Variants in XRCC4 observed in about 807,000 individuals in gnomAD.
XRCC4 encodes X-ray repair cross complementing 4.
Under a neutral mutation model 39.1 loss-of-function variants are expected in XRCC4, and 28 were observed. The ratio of observed to expected loss-of-function variants is 0.72; its 90% CI spans 0.53 to 0.98. XRCC4 has a LOEUF of 0.98. Ranked by LOEUF, XRCC4 falls within the 50% of genes least tolerant of loss-of-function variation. The pLI, the probability that XRCC4 is intolerant of heterozygous loss-of-function variation, is 0.00. For synonymous variants in XRCC4, 123 were observed against 126.4 expected, an observed-to-expected ratio of 0.97 and a Z score of 0.18; for missense variants, 350 against 376.4, an observed-to-expected ratio of 0.93 and a Z score of 0.58.
chr5:83,087,865 C>T (rs1167901249), intron 1 of XRCC4, among the ~76,000 whole-genome samples: 2 of 151,958 alleles, frequency 1.3e-5, no homozygotes, highest in Admixed American at 1.3e-4. Flanking sequence ...CCTCATTTTT[C>T]TGGATATTTT....
At chr5:83,219,993 G>A (rs1752018817) in intron 6 of XRCC4, among the ~76,000 whole-genome samples, 1 of 151,974 alleles carries the variant, frequency 6.6e-6, no homozygotes, top group African/African-American at 2.4e-5. Flanking sequence ...ACTTTGAAGA[G>A]GAAATCAAAT....
At chr5:83,290,831 G>A (rs1754898400) in intron 7 of XRCC4, among the ~76,000 whole-genome samples, 1 of 151,756 alleles carries the variant, frequency 6.6e-6, no homozygotes, top group East Asian at 1.9e-4. Context: ...CACCCTTTAT[G>A]AATATTGGCA....
In XRCC4 at chr5:83,348,667, T is replaced by G. The variant is rs1756992295; in HGVS notation, c.894-4464T>G. ...TCTGAAATGCCTTGGAGGCACTGTCTTGATTATTAACATTTGGCTCCTGTT... is the reference window on the plus strand; with the variant it reads ...TCTGAAATGCCTTGGAGGCACTGTCGTGATTATTAACATTTGGCTCCTGTT... On this transcript the variant is annotated intron_variant, in intron 7 of 7. Coordinates refer to ENST00000396027, the MANE Select transcript of XRCC4 (RefSeq NM_003401.5). Among the ~76,000 whole-genome samples the G allele has an allele frequency of 6.6e-5, 10 of 152,358 alleles. No homozygotes were observed. The South Asian group carries it at 2.1e-3, about 32-fold the overall frequency.
At chr5:83,228,352 A>ATGCCTTTTAC (rs1422941551) in intron 6 of XRCC4, among the ~76,000 whole-genome samples, 13 of 152,104 alleles carry the variant, frequency 8.5e-5, no homozygotes, top group Middle Eastern at 3.4e-3. Context: ...CTAGATTATG[A>ATGCCTTTTAC]ATTACTTGCA....
At chr5:83,096,201 A>C (rs1745668379) in intron 1 of XRCC4, among the ~76,000 whole-genome samples, 1 of 151,266 alleles carries the variant, frequency 6.6e-6, no homozygotes, top group African/African-American at 2.4e-5. Flanking sequence ...TAGCCAAGAA[A>C]GGTCCCCCTT....
At chr5:83,169,682 T>C (rs112486233) in intron 3 of XRCC4, among the ~76,000 whole-genome samples, 1,557 of 152,324 alleles carry the variant, frequency 0.01, 27 homozygotes, top group African/African-American at 0.035. Flanking sequence ...TAGTGGGTCT[T>C]ACTTGTCTTT....
chr5:83,151,596 A>G (rs994143509), intron 3 of XRCC4, among the ~76,000 whole-genome samples: 1 of 152,200 alleles, frequency 6.6e-6, no homozygotes, highest in Admixed American at 6.5e-5. Context: ...TTAATGATTT[A>G]AAATCTTCAT....
At position 83,279,354 on chromosome 5, in the gene XRCC4, A is replaced by T. The variant is rs188018533; in HGVS notation, c.893+20677A>T. ...CACCAAAAATAATAAAAATAAAAAT[A>T]AAAAAATTCATTGTTTATCTGGGAG... is the stretch of plus-strand genomic sequence containing the variant. On this transcript the variant is annotated intron_variant, in intron 7 of 7. Transcript: ENST00000396027. Among the ~76,000 whole-genome samples the T allele has an allele frequency of 9.9e-5, 15 of 152,104 alleles. No individual in the cohort carries two copies. The East Asian group carries it at 2.9e-3, about 29-fold the overall frequency.
the XRCC4 span, among the ~76,000 whole-genome samples, chr5:83,367,392 A>T: frequency 2.6e-5 from 4 of 152,216 alleles, no homozygotes; most frequent in Non-Finnish European, 4.4e-5. Context: ...ATAAAACCTT[A>T]GCCTTCACCC....
intron 6 of XRCC4, among the ~76,000 whole-genome samples, chr5:83,251,494 A>G (rs1045974246): frequency 2.0e-5 from 3 of 147,020 alleles, no homozygotes; most frequent in Non-Finnish European, 4.5e-5. Context: ...ACTGCACTCC[A>G]GCCTGGGCGA....
intron 3 of XRCC4, among the ~76,000 whole-genome samples, chr5:83,176,869 G>A (rs923568931): frequency 2.8e-4 from 42 of 152,052 alleles, no homozygotes; most frequent in Admixed American, 1.4e-3. Flanking sequence ...ACATCTGCCC[G>A]CCTCAGCCTT....
At chr5:83,147,276 T>G (rs1038996768) in intron 3 of XRCC4, among the ~76,000 whole-genome samples, 1 of 151,788 alleles carries the variant, frequency 6.6e-6, no homozygotes, top group Non-Finnish European at 1.5e-5. Context: ...AAACAAAAAC[T>G]CCATACACAC....
chr5:83,200,180 C>T (rs1580361330), intron 4 of XRCC4, among the ~76,000 whole-genome samples: 2 of 152,290 alleles, frequency 1.3e-5, no homozygotes, highest in East Asian at 3.9e-4. Context: ...CGACATACCT[C>T]TTAGTTACTG....
chr5:83,101,020 G>A (rs16900160), intron 1 of XRCC4, among the ~76,000 whole-genome samples: 9,154 of 151,962 alleles, frequency 0.06, 990 homozygotes, highest in East Asian at 0.48. Flanking sequence ...TGTGATTATC[G>A]TATCAAACCT....
intron 7 of XRCC4, among the ~76,000 whole-genome samples, chr5:83,337,914 C>T (rs1040592441): frequency 1.3e-5 from 2 of 152,012 alleles, no homozygotes; most frequent in Admixed American, 6.6e-5. Context: ...CCTTCTCTCC[C>T]GGAAGAGTCG....
At chr5:83,341,493 A>G (rs1215561543) in intron 7 of XRCC4, among the ~76,000 whole-genome samples, 1 of 152,234 alleles carries the variant, frequency 6.6e-6, no homozygotes, top group African/African-American at 2.4e-5. Flanking sequence ...GACTAAGAGA[A>G]CTTAGTGGAT....
intron 7 of XRCC4, among the ~76,000 whole-genome samples, chr5:83,302,266 A>G (rs1225343886): frequency 2.0e-5 from 3 of 152,090 alleles, no homozygotes; most frequent in Non-Finnish European, 4.4e-5. Flanking sequence ...CCAAAAAAAA[A>G]AAAAAATAGC....
At chr5:83,172,760 G>A (rs1284338238) in intron 3 of XRCC4, among the ~76,000 whole-genome samples, 3 of 152,122 alleles carry the variant, frequency 2.0e-5, no homozygotes, top group African/African-American at 7.2e-5. Flanking sequence ...AAGACAGGGT[G>A]GTTCCTCTAG....
downstream of XRCC4, chr5:83,356,734 A>T (rs1332364740): frequency 2.2e-6 from 1 of 454,152 alleles, no homozygotes; most frequent in African/African-American, 2.0e-5. Flanking sequence ...TCTATACTCT[A>T]AACATTGTTG....
Sources: allele counts gnomAD v4.1 joint callset (sites outside exome capture counted in the v4.1 genomes callset), GRCh38; gene constraint gnomAD v4.1.1; transcripts MANE v1.5; gene names NCBI Gene and HGNC (gene_info 2026-07-23, HGNC 2026-07-21).